XRN1: variants seen among roughly 807,000 people sequenced by gnomAD.
XRN1 encodes the protein strand-exchange protein 1 homolog.
In XRN1, 67 loss-of-function variants were observed where a neutral mutation model predicts 222.3. The ratio of observed to expected loss-of-function variants is 0.30; its 90% CI spans 0.25 to 0.37. The LOEUF is 0.37. Ranked by LOEUF, XRN1 falls within the 10% of genes least tolerant of loss-of-function variation. The pLI, the probability that XRN1 is intolerant of heterozygous loss-of-function variation, is 1.00. For missense variants in XRN1, 1,707 were observed against 2,000.2 expected, an observed-to-expected ratio of 0.85 and a Z score of 2.80; for synonymous variants, 643 against 652.4, an observed-to-expected ratio of 0.99 and a Z score of 0.22.
chr3:142,350,850 A>T (rs1480133768), intron 32 of XRN1, among the ~76,000 whole-genome samples: 1 of 152,182 alleles, frequency 6.6e-6, no homozygotes, highest in African/African-American at 2.4e-5. Context: ...TAGGTAACGT[A>T]AGTTTGTGAG....
chr3:142,326,286 G>A (rs547569967), intron 37 of XRN1, among the ~76,000 whole-genome samples: 46 of 151,914 alleles, frequency 3.0e-4, no homozygotes, highest in Non-Finnish European at 6.5e-4. Context: ...CATGAACATG[G>A]ACAATCTTTC....
intron 39 of XRN1, among the ~76,000 whole-genome samples, chr3:142,315,926 A>T (rs896218342): frequency 6.6e-6 from 1 of 152,182 alleles, no homozygotes; most frequent in African/African-American, 2.4e-5. Flanking sequence ...TTAATAACTT[A>T]TTAATTTTAG....
chr3:142,347,457 CTT>C, intron 32 of XRN1, 115 bp from the exon 33 acceptor site: 1 of 658,868 alleles, frequency 1.5e-6, no homozygotes. Context: ...TAGAAAAAAA[CTT>C]AATACAGAAA....
In XRN1 at chr3:142,447,757, T is replaced by A; in HGVS notation, c.75+113A>T. The A allele has an allele frequency of 4.0e-6, 5 of 1,252,226 alleles. No homozygotes were observed. The highest frequency in any genetic ancestry group is 1.5e-5 in the African/African-American group (1 of 66,054). 77.6% of individuals were successfully genotyped at this position (1,252,226 alleles called of 1,614,324 possible). The stretch of plus-strand genomic sequence containing the variant: ...CCGTCCCCCTCCCTAATGCCACTAA[T>A]CGTCCAGACGACGAGGGGAAAGAGG... On this transcript the variant is annotated intron_variant, in intron 1 of 40. Transcript: ENST00000392981. This position sits in a 1 kb window ranked among gnomAD's most constrained non-coding sequence, Gnocchi z 4.2.
intron 36 of XRN1, among the ~76,000 whole-genome samples, chr3:142,330,338 A>T (rs894956543): frequency 7.4e-4 from 113 of 152,184 alleles, no homozygotes; most frequent in African/African-American, 2.5e-3. Flanking sequence ...ATATTTCTTA[A>T]AAGTTTTTTT....
At position 142,310,028 on chromosome 3, in the gene XRN1, T is replaced by A. The variant is rs1014055398; in HGVS notation, c.*1483A>T. 6.6e-6 allele frequency: 1 copy of A among 152,604 alleles called. No individual in the cohort carries two copies. The highest frequency in any genetic ancestry group is 1.5e-5 in the Non-Finnish European group (1 of 68,026). 9.5% of individuals were successfully genotyped at this position (152,604 alleles called of 1,614,324 possible). On this transcript the variant is annotated 3_prime_UTR_variant, in exon 41 of 41. Transcript: ENST00000392981. ...AAAATCATGGAAACTTATACGACTA[T>A]GATAAATGACAGATAATGAATATTT...
chr3:142,439,101 T>C (rs2070072078), intron 1 of XRN1, among the ~76,000 whole-genome samples: 1 of 152,108 alleles, frequency 6.6e-6, no homozygotes, highest in Non-Finnish European at 1.5e-5. Flanking sequence ...TTAAAGCAAA[T>C]TAAAATAGAT....
At chr3:142,357,180 A>G in intron 30 of XRN1, 61 bp from the exon 31 acceptor site, 2 of 1,491,756 alleles carry the variant, frequency 1.3e-6, no homozygotes, top group South Asian at 1.2e-5. Flanking sequence ...TTAGGGAGAA[A>G]AGTCAAATAA....
chr3:142,404,976 C>T lies in XRN1; in HGVS notation c.1814G>A (p.Arg605Lys). 1 of 1,614,032 alleles carries T rather than the reference C, an allele frequency of 6.2e-7. No homozygotes were observed. The highest frequency in any genetic ancestry group is 8.5e-7 in the Non-Finnish European group (1 of 1,179,920). Residue 605 changes from arginine to lysine, a missense_variant, in exon 16 of 41, where the codon AGA becomes AAA. Physicochemically the swap from Arg to Lys is conservative, Grantham distance 26. Around this residue, in one of 2 missense-constraint regions of XRN1, gnomAD observed 1,234 missense variants for 1,518.2 expected, o/e 0.81. Transcript: ENST00000392981. ...HSECLMCWYD[R>K]DTEFIYPSPW... is the part of the protein sequence containing the mutation. Reference sequence around the variant, plus strand: ...AGAAGGATAGATAAACTCTGTGTCTCTATCATACCAGCACATTAGGCACTC... The same window carrying T: ...AGAAGGATAGATAAACTCTGTGTCTTTATCATACCAGCACATTAGGCACTC...
rs762045860 is a variant in XRN1 at position 142,312,645 on chromosome 3, C to A, written c.4735G>T (p.Ala1579Ser). The change falls in exon 40 of 41, where the codon GCT (alanine) becomes TCT (serine). Residue 1579 changes from alanine (A) to serine (S), a missense_variant. By Grantham distance (99) the Ala-to-Ser change is moderately conservative. Coordinates refer to ENST00000392981, the MANE Select transcript of XRN1 (RefSeq NM_001282857.2). ...TGCACACCCCCTGGTATTCCCCCAG[C>A]CATGGGCATGGTCCCAGAATATAAA... ...HTLYSGTMPMAGGIPGGVHNQ... is the reference protein window; with the variant it reads ...HTLYSGTMPMSGGIPGGVHNQ... The A allele has an allele frequency of 1.2e-6, 2 of 1,613,250 alleles. No homozygotes were observed. The highest frequency in any genetic ancestry group is 2.2e-5 in the East Asian group (1 of 44,894).
At position 142,365,174 on chromosome 3, in the gene XRN1, T is replaced by C; in HGVS notation, c.3267A>G (p.Leu1089=). ...CAGGAATGACTCCATGTTGCTGTTC[T>C]AAAGGCTGAAGAGAAGAAAGCTATT... ...TVKPHLLYRP[L]EQQHGVIPDR... Residue 1089 remains leucine (L), a synonymous_variant, in exon 29 of 41, where the codon TTA becomes TTG. Transcript: ENST00000392981. 6.2e-7 allele frequency: 1 copy of C among 1,608,074 alleles called. No homozygotes were observed. The highest frequency in any genetic ancestry group is 2.2e-5 in the East Asian group (1 of 44,656).
At chr3:142,324,463 T>A (rs1352000505) in intron 37 of XRN1, among the ~76,000 whole-genome samples, 1 of 152,102 alleles carries the variant, frequency 6.6e-6, no homozygotes, top group Non-Finnish European at 1.5e-5. Flanking sequence ...CCATGGTGTA[T>A]ATCTGCCACA....
At chr3:142,323,882 T>C (rs984563779) in intron 37 of XRN1, among the ~76,000 whole-genome samples, 1 of 152,024 alleles carries the variant, frequency 6.6e-6, no homozygotes, top group African/African-American at 2.4e-5. Flanking sequence ...TTTTTGTTTC[T>C]AGTTTTATGA....
intron 29 of XRN1, among the ~76,000 whole-genome samples, chr3:142,361,963 CTTTTTTTT>C (rs71153961): frequency 1.6e-3 from 82 of 51,678 alleles, no homozygotes; most frequent in African/African-American, 6.7e-3. Context: ...CTTTTTCTCT[CTTTTTTTT>C]TTTTTTTTTT....
At chr3:142,338,331 A>T (rs2065901627) in intron 33 of XRN1, among the ~76,000 whole-genome samples, 1 of 152,198 alleles carries the variant, frequency 6.6e-6, no homozygotes, top group African/African-American at 2.4e-5. Flanking sequence ...GCACTCCTGG[A>T]TGACATCTCT....
chr3:142,402,175 G>T (rs867295877), intron 18 of XRN1, among the ~76,000 whole-genome samples: 8 of 151,862 alleles, frequency 5.3e-5, no homozygotes, highest in Non-Finnish European at 1.2e-4. Flanking sequence ...TATATAAATA[G>T]CCTTTCTTTT....
chr3:142,375,909 T>A lies in XRN1; in HGVS notation c.2867A>T (p.Asn956Ile). The stretch of plus-strand genomic sequence containing the variant: ...CTCATTTTTCTTGTTGAATTTGAGA[T>A]TTAAACCCACATTTGCTTTATGGTC... ...HGDHKANVGL[N>I]LKFNKKNEEV... The change falls in exon 25 of 41, where the codon AAT becomes ATT. Residue 956 changes from asparagine (N) to isoleucine (I), a missense_variant. By Grantham distance (149) the Asn-to-Ile change is moderately radical. Coordinates refer to ENST00000392981, the MANE Select transcript of XRN1 (RefSeq NM_001282857.2). The A allele has an allele frequency of 6.2e-7, 1 of 1,613,788 alleles. No individual in the cohort carries two copies. Among genetic ancestry groups the A allele is most frequent in the Non-Finnish European group, 8.5e-7 (1 of 1,179,908 alleles).
intron 3 of XRN1, 24 bp from the exon 4 acceptor site, chr3:142,425,562 T>A (rs776637478): frequency 6.4e-7 from 1 of 1,572,976 alleles, no homozygotes; most frequent in Non-Finnish European, 8.7e-7. Context: ...TTTAAAAAGG[T>A]TAATCTAAGA....
intron 20 of XRN1, among the ~76,000 whole-genome samples, chr3:142,390,505 C>A (rs1057432404): frequency 6.6e-5 from 10 of 152,330 alleles, no homozygotes; most frequent in Admixed American, 2.6e-4. Flanking sequence ...AACTTTTCTT[C>A]TGCAGCTTCC....
Sources: gnomAD v4.1 joint callset for allele counts (sites outside exome capture counted in the v4.1 genomes callset) on GRCh38, gnomAD v4.1.1 for gene constraint, gnomAD v4.1.1 regional missense constraint, Gnocchi (gnomAD v3.1) non-coding constraint, MANE v1.5 for transcripts, NCBI Gene and HGNC (gene_info 2026-07-23, HGNC 2026-07-21) for gene names.